PTPRG: variants seen among roughly 807,000 people sequenced by gnomAD.
PTPRG encodes protein tyrosine phosphatase receptor type G.
In PTPRG, 102 loss-of-function variants were observed where a neutral mutation model predicts 165.3. That is an observed-to-expected ratio of 0.62 (90% CI 0.53 to 0.73). PTPRG has a LOEUF of 0.73. Among genes scored for constraint, PTPRG ranks in the 30% least tolerant of loss-of-function variants. The pLI is 0.00. For missense variants in PTPRG, 1,866 were observed against 1,861.4 expected, an observed-to-expected ratio of 1.00 and a Z score of -0.05; for synonymous variants, 675 against 669.5, an observed-to-expected ratio of 1.01 and a Z score of -0.13.
chr3:62,106,291 C>T (rs1291715478), intron 5 of PTPRG, among the ~76,000 whole-genome samples: 1 of 152,154 alleles, frequency 6.6e-6, no homozygotes, highest in Non-Finnish European at 1.5e-5. Flanking sequence ...TCTAACATCA[C>T]AGTTGGGTAG....
At chr3:62,013,931 C>T (rs192673271) in intron 4 of PTPRG, among the ~76,000 whole-genome samples, 37 of 152,184 alleles carry the variant, frequency 2.4e-4, no homozygotes, top group African/African-American at 8.4e-4. Flanking sequence ...GACCTTTGTG[C>T]ACTGAAGGTA....
intron 2 of PTPRG, among the ~76,000 whole-genome samples, chr3:61,977,629 A>G (rs1189682373): frequency 6.6e-6 from 1 of 151,986 alleles, no homozygotes; most frequent in East Asian, 1.9e-4. Context: ...AGATACTTCT[A>G]CCTCCATTTG....
intron 1 of PTPRG, chr3:61,659,431 T>C (rs1702599859): frequency 1.0e-6 from 1 of 985,160 alleles, no homozygotes; most frequent in Non-Finnish European, 1.2e-6. Flanking sequence ...TTCTTAAAAG[T>C]GAAAAAGCCT....
chr3:62,199,231 T>TATATTTA (rs2106828280), intron 10 of PTPRG, among the ~76,000 whole-genome samples: 1 of 152,352 alleles, frequency 6.6e-6, no homozygotes, highest in African/African-American at 2.4e-5. Flanking sequence ...ATATTTAGGC[T>TATATTTA]GGGTGAGACC....
intron 2 of PTPRG, among the ~76,000 whole-genome samples, chr3:61,971,593 C>T (rs1019585351): frequency 1.3e-5 from 2 of 152,156 alleles, no homozygotes; most frequent in Non-Finnish European, 2.9e-5. Context: ...AGTCCATGAG[C>T]AAGTTGCTTC....
chr3:61,886,060 C>T (rs1054770801), intron 2 of PTPRG, among the ~76,000 whole-genome samples: 4 of 151,932 alleles, frequency 2.6e-5, no homozygotes, highest in African/African-American at 7.2e-5. Flanking sequence ...GCACCACCCC[C>T]TGACATGTCA....
At chr3:62,215,274 GC>G (rs1700468607) in intron 12 of PTPRG, among the ~76,000 whole-genome samples, 2 of 152,206 alleles carry the variant, frequency 1.3e-5, no homozygotes, top group Admixed American at 1.3e-4. Context: ...GGAAGACAAA[GC>G]AGTATTGTGA....
chr3:62,045,992 G>T (rs925951026), intron 4 of PTPRG, among the ~76,000 whole-genome samples: 2 of 152,144 alleles, frequency 1.3e-5, no homozygotes, highest in African/African-American at 4.8e-5. Context: ...ATAGGAGGTG[G>T]TTGATCTCTC....
At chr3:61,968,310 CAGAGCTATGTCA>C (rs1319681332) in intron 2 of PTPRG, among the ~76,000 whole-genome samples, 1 of 152,030 alleles carries the variant, frequency 6.6e-6, no homozygotes, top group Non-Finnish European at 1.5e-5. Flanking sequence ...GCTTCTATTT[CAGAGCTATGTCA>C]TATTCCATCA....
chr3:62,157,914 A>G (rs1383879908), intron 7 of PTPRG, among the ~76,000 whole-genome samples: 1 of 152,228 alleles, frequency 6.6e-6, no homozygotes, highest in Non-Finnish European at 1.5e-5. Flanking sequence ...ACATAGAGAG[A>G]TGGGTATTCA....
intron 5 of PTPRG, among the ~76,000 whole-genome samples, chr3:62,084,261 C>G (rs1701673811): frequency 6.6e-6 from 1 of 152,186 alleles, no homozygotes; most frequent in African/African-American, 2.4e-5. Flanking sequence ...ATTCATCATT[C>G]TTAAACTATT....
At chr3:61,668,750 C>T (rs1346714635) in intron 1 of PTPRG, among the ~76,000 whole-genome samples, 1 of 152,040 alleles carries the variant, frequency 6.6e-6, no homozygotes, top group Non-Finnish European at 1.5e-5. Flanking sequence ...TTAATGAGAT[C>T]TCAGAGTAGA....
chr3:62,036,383 C>T (rs1699936169), intron 4 of PTPRG, among the ~76,000 whole-genome samples: 2 of 152,120 alleles, frequency 1.3e-5, no homozygotes, highest in Admixed American at 6.5e-5. Context: ...TTTTTCTTCC[C>T]AGCTTCTGAA....
intron 2 of PTPRG, among the ~76,000 whole-genome samples, chr3:61,928,671 G>C (rs1176214061): frequency 6.6e-6 from 1 of 151,886 alleles, no homozygotes; most frequent in Non-Finnish European, 1.5e-5. Context: ...ACACTGGTTT[G>C]ATTTTTTTTT....
intron 2 of PTPRG, among the ~76,000 whole-genome samples, chr3:61,921,097 A>G (rs1302448965): frequency 1.3e-5 from 2 of 148,240 alleles, no homozygotes; most frequent in African/African-American, 5.1e-5. Context: ...CTTGTCTTCC[A>G]TCCATCTCCT....
chr3:62,185,569 G>A (rs1705845175), intron 8 of PTPRG, among the ~76,000 whole-genome samples: 1 of 152,120 alleles, frequency 6.6e-6, no homozygotes, highest in Admixed American at 6.5e-5. Context: ...GAGGCAACGG[G>A]GAGTGGTGGA....
chr3:61,925,603 C>T (rs1014833727), intron 2 of PTPRG, among the ~76,000 whole-genome samples: 4 of 152,056 alleles, frequency 2.6e-5, no homozygotes, highest in African/African-American at 9.7e-5. Context: ...ATTAGCCGGG[C>T]CTGGTGGCGT....
intron 8 of PTPRG, among the ~76,000 whole-genome samples, chr3:62,185,226 C>A (rs907407936): frequency 9.2e-5 from 14 of 152,180 alleles, no homozygotes; most frequent in African/African-American, 2.9e-4. Context: ...CTGTGAGAAG[C>A]AATCGGACCC....
Position 62,078,267 on chromosome 3 carries a change from A to G in PTPRG, c.615+9A>G, listed in dbSNP as rs777753998. Reference sequence around the variant, plus strand: ...TGGCCATATTTTTTCAAGTAAGTTAACAGTGGCTGAAGTACTTCAAAGAAT... The same window carrying G: ...TGGCCATATTTTTTCAAGTAAGTTAGCAGTGGCTGAAGTACTTCAAAGAAT... On this transcript the variant is annotated intron_variant, in intron 5 of 29. Transcript: ENST00000474889. 28 of 1,551,132 alleles carry G rather than the reference A, an allele frequency of 1.8e-5. No homozygotes were observed. The Admixed American group carries it at 3.9e-4, about 22-fold the overall frequency.
Sources: allele counts gnomAD v4.1 joint callset (sites outside exome capture counted in the v4.1 genomes callset), GRCh38; gene constraint gnomAD v4.1.1; transcripts MANE v1.5; gene names NCBI Gene and HGNC (gene_info 2026-07-23, HGNC 2026-07-21).